Variants in PARVB observed in about 807,000 individuals in gnomAD.
PARVB encodes the protein beta-parvin.
Under a neutral mutation model 47.0 loss-of-function variants are expected in PARVB, and 46 were observed. That is an observed-to-expected ratio of 0.98 (90% confidence interval 0.77 to 1.25). The LOEUF (loss-of-function observed/expected upper bound fraction) is 1.25. PARVB is among the 50% of genes most tolerant of loss of function. PARVB has a pLI of 0.00. For synonymous variants in PARVB, 196 were observed against 196.3 expected (o/e 1.00, Z 0.01); for missense variants, 473 against 471.6 (o/e 1.00, Z -0.03).
chr22:44,065,127 C>G (rs1188696819), intron 1 of PARVB, among the ~76,000 whole-genome samples: 1 of 152,054 alleles, frequency 6.6e-6, no homozygotes, highest in Non-Finnish European at 1.5e-5. Context: ...TTGGCTTTCT[C>G]CCACTGCTCC....
chr22:44,077,711 A>G (rs1601567532), intron 1 of PARVB, among the ~76,000 whole-genome samples: 1 of 152,040 alleles, frequency 6.6e-6, no homozygotes, highest in South Asian at 2.1e-4. Flanking sequence ...AAACCTTAGC[A>G]ATGATATTGG....
At chr22:44,095,280 G>A (rs1189998687) in intron 2 of PARVB, among the ~76,000 whole-genome samples, 1 of 152,106 alleles carries the variant, frequency 6.6e-6, no homozygotes, top group African/African-American at 2.4e-5. Flanking sequence ...AGGCCAAAGT[G>A]GACGGATCAC....
chr22:44,163,247 A>G (rs961848913), intron 11 of PARVB, among the ~76,000 whole-genome samples: 8 of 152,130 alleles, frequency 5.3e-5, no homozygotes, highest in African/African-American at 1.7e-4. Context: ...AGGCGGGTGG[A>G]TCATTTGAGC....
intron 3 of PARVB, among the ~76,000 whole-genome samples, chr22:44,102,529 A>G (rs1409875119): frequency 6.6e-6 from 1 of 152,066 alleles, no homozygotes; most frequent in Non-Finnish European, 1.5e-5. Context: ...TCTTGCTTCC[A>G]TGTGGAGACT....
chr22:44,167,194 C>G (rs1046219401), intron 12 of PARVB, among the ~76,000 whole-genome samples: 1 of 152,180 alleles, frequency 6.6e-6, no homozygotes, highest in Admixed American at 6.5e-5. Context: ...TTAAGGAGGC[C>G]CCTTGCCTGG....
At chr22:44,007,175 G>A (rs921601366) in intron 2 of PARVB, among the ~76,000 whole-genome samples, 2 of 152,096 alleles carry the variant, frequency 1.3e-5, no homozygotes, top group African/African-American at 4.8e-5. Flanking sequence ...CGGGTACAGC[G>A]GGCGGAGATG....
intron 11 of PARVB, 135 bp from the exon 12 acceptor site, chr22:44,163,723 C>G (rs923626165): frequency 5.9e-6 from 4 of 673,952 alleles, no homozygotes; most frequent in Admixed American, 6.2e-5. Flanking sequence ...TGGCCCGCCC[C>G]GGGCTCACTG....
intron 11 of PARVB, among the ~76,000 whole-genome samples, chr22:44,160,970 C>T (rs1050893627): frequency 7.2e-5 from 11 of 152,148 alleles, no homozygotes; most frequent in Non-Finnish European, 1.3e-4. Flanking sequence ...AAGAGGTGCA[C>T]GGGAGAGGCA....
intron 1 of PARVB, among the ~76,000 whole-genome samples, chr22:44,041,103 C>T (rs2146916637): frequency 6.6e-6 from 1 of 152,068 alleles, no homozygotes; most frequent in Non-Finnish European, 1.5e-5. Flanking sequence ...TGATGGATTG[C>T]TGGATAGATA....
intron 11 of PARVB, among the ~76,000 whole-genome samples, chr22:44,160,964 G>A (rs373086118): frequency 1.3e-5 from 2 of 152,196 alleles, no homozygotes; most frequent in African/African-American, 2.4e-5. Flanking sequence ...AGGCTTAAGA[G>A]GTGCACGGGA....
At chr22:44,161,354 C>T (rs1042714155) in intron 11 of PARVB, among the ~76,000 whole-genome samples, 5 of 149,424 alleles carry the variant, frequency 3.3e-5, no homozygotes, top group African/African-American at 1.2e-4. Flanking sequence ...CACTCTCTCA[C>T]CCAGGCTGGA....
intron 7 of PARVB, chr22:44,139,820 C>T (rs2053514863): frequency 5.1e-6 from 2 of 393,612 alleles, no homozygotes; most frequent in African/African-American, 4.0e-5. Flanking sequence ...ATATTAACCA[C>T]TCTTCTGATT....
At chr22:44,084,341 G>C (rs1459094358) in intron 1 of PARVB, among the ~76,000 whole-genome samples, 1 of 152,252 alleles carries the variant, frequency 6.6e-6, no homozygotes, top group East Asian at 1.9e-4. Flanking sequence ...GGCTCTCTCT[G>C]AGGGAGGCTG....
At chr22:44,011,848 C>G (rs1311438278) in intron 2 of PARVB, among the ~76,000 whole-genome samples, 1 of 152,132 alleles carries the variant, frequency 6.6e-6, no homozygotes, top group Admixed American at 6.6e-5. Context: ...ATCATTCTCT[C>G]CTTCATCCAA....
intron 4 of PARVB, 94 bp from the exon 5 acceptor site, chr22:44,131,393 C>T (rs575877933): frequency 4.3e-5 from 58 of 1,350,228 alleles, no homozygotes; most frequent in African/African-American, 1.6e-4. Flanking sequence ...TCACCCACCT[C>T]GGCCTCTCAA....
chr22:44,055,234 C>G (rs762915), intron 1 of PARVB, among the ~76,000 whole-genome samples: 1 of 152,120 alleles, frequency 6.6e-6, no homozygotes, highest in Non-Finnish European at 1.5e-5. Context: ...TGTGCGCCTC[C>G]CTCCCCACCA....
chr22:44,100,016 A>G (rs2052403865), intron 2 of PARVB, 37 bp from the exon 3 acceptor site: 1 of 1,579,820 alleles, frequency 6.3e-7, no homozygotes, highest in Non-Finnish European at 8.7e-7. Context: ...TGCCACCCCC[A>G]CAATCGCTGA....
rs35913551 is a variant in PARVB at position 44,151,029 on chromosome 22, C to CAA, written c.775-427_775-426dup. The CAA allele has an allele frequency of 4.9e-3, 255 of 51,656 alleles. 8 individuals are homozygous for CAA. Among genetic ancestry groups the CAA allele is most frequent in the Non-Finnish European group, 6.3e-3 (183 of 29,084 alleles). The allele number at this position is 51,656 out of a possible 1,614,324, so 3.2% of individuals were successfully genotyped here. The stretch of plus-strand genomic sequence containing the variant: ...CCTGGGCGACAGAGTGAGACTGTCT[C>CAA]AAAAAAAAAAAAAAAAAAAAAAAAA... On this transcript the variant is annotated intron_variant, in intron 9 of 12. Coordinates refer to ENST00000338758, the MANE Select transcript of PARVB (RefSeq NM_013327.5).
rs1275015124 is a variant in PARVB at position 44,155,035 on chromosome 22, G to GT, written c.844-2947_844-2946insT. ...TGTGTGTGGTTTTTGTAGTCTGTGT[G>GT]GTGTGTGTGTGTGTGTGTGTGTGGT... On this transcript the variant is annotated intron_variant, in intron 10 of 12. Transcript: ENST00000338758. The surrounding 1 kb of genome is among the most constrained non-coding windows in gnomAD (Gnocchi z 4.8). Among the ~76,000 whole-genome samples the GT allele has an allele frequency of 8.6e-6, 1 of 116,252 alleles. No individual in the cohort carries two copies. Among genetic ancestry groups the GT allele is most frequent in the African/African-American group, 3.7e-5 (1 of 26,712 alleles). The allele number at this position is 116,252 out of a possible 152,430, so 76.3% of individuals were successfully genotyped here.
Sources: allele counts gnomAD v4.1 joint callset (sites outside exome capture counted in the v4.1 genomes callset), GRCh38; gene constraint gnomAD v4.1.1; non-coding constraint Gnocchi (gnomAD v3.1); transcripts MANE v1.5; gene names NCBI Gene and HGNC (gene_info 2026-07-23, HGNC 2026-07-21).